Variants in ARHGEF10L observed in about 807,000 individuals in gnomAD.
The protein encoded by ARHGEF10L is Rho guanine nucleotide exchange factor 10 like.
ARHGEF10L carries 69 observed loss-of-function variants against 141.2 expected under a neutral mutation model. The observed-to-expected ratio is 0.49, with a 90% CI of 0.40 to 0.60. The LOEUF (loss-of-function observed/expected upper bound fraction) is 0.60. Ranked by LOEUF, ARHGEF10L falls within the 20% of genes least tolerant of loss-of-function variation. The probability of loss-of-function intolerance (pLI) is 0.00; values close to 1 mark genes in which losing one functional copy is unlikely to be tolerated. For synonymous variants in ARHGEF10L, 711 were observed against 718.5 expected (o/e 0.99, Z 0.17); for missense variants, 1,482 against 1,734.3 (o/e 0.85, Z 2.58).
At chr1:17,595,522 T>G (rs895727233) in intron 4 of ARHGEF10L, among the ~76,000 whole-genome samples, 3 of 152,182 alleles carry the variant, frequency 2.0e-5, no homozygotes, top group African/African-American at 7.2e-5. Context: ...TGTGATATGA[T>G]GCCACCTGAG....
chr1:17,609,900 T>TC (rs932747145), intron 7 of ARHGEF10L, among the ~76,000 whole-genome samples: 74 of 152,004 alleles, frequency 4.9e-4, no homozygotes, highest in African/African-American at 1.7e-3. Context: ...AAGCCCCCAC[T>TC]CCCCCCAGTA....
At chr1:17,668,492 A>G (rs375843745) in intron 26 of ARHGEF10L, among the ~76,000 whole-genome samples, 17 of 152,226 alleles carry the variant, frequency 1.1e-4, no homozygotes, top group East Asian at 1.9e-4. Context: ...TGGGGCCCCA[A>G]TGGCCACCAG....
chr1:17,682,104 G>A (rs184300101), intron 26 of ARHGEF10L, among the ~76,000 whole-genome samples: 1 of 152,148 alleles, frequency 6.6e-6, no homozygotes, highest in Non-Finnish European at 1.5e-5. Flanking sequence ...GGGTCCTTTG[G>A]ACACATCCCC....
intron 8 of ARHGEF10L, among the ~76,000 whole-genome samples, chr1:17,613,426 C>T (rs2059648736): frequency 6.6e-6 from 1 of 152,192 alleles, no homozygotes; most frequent in Non-Finnish European, 1.5e-5. Flanking sequence ...CCCTGATAGT[C>T]CACAAGAATT....
At chr1:17,517,388 G>A in the ARHGEF10L span, among the ~76,000 whole-genome samples, 3 of 152,272 alleles carry the variant, frequency 2.0e-5, no homozygotes, top group African/African-American at 7.2e-5. Flanking sequence ...GGAGTGCGCA[G>A]TGGTGCAATC....
intron 26 of ARHGEF10L, among the ~76,000 whole-genome samples, chr1:17,683,977 G>T (rs2064356001): frequency 6.6e-6 from 1 of 152,338 alleles, no homozygotes; most frequent in South Asian, 2.1e-4. Flanking sequence ...GGCTGCACGC[G>T]TGTGAGCATG....
At chr1:17,538,238 C>T (rs540125132), upstream of ARHGEF10L, among the ~76,000 whole-genome samples, 149 of 152,310 alleles carry the variant, frequency 9.8e-4, no homozygotes, top group African/African-American at 3.5e-3. Flanking sequence ...ACTCAATGGA[C>T]ATCTGAAGTC....
chr1:17,562,600 G>A (rs2077585370), intron 1 of ARHGEF10L, among the ~76,000 whole-genome samples: 1 of 152,242 alleles, frequency 6.6e-6, no homozygotes, highest in Non-Finnish European at 1.5e-5. Flanking sequence ...TGAGATTTCA[G>A]GTGAATCATT....
chr1:17,654,734 C>G lies in ARHGEF10L; in HGVS notation c.2481+12C>G, dbSNP rs1395262059. 1.2e-6 allele frequency: 2 copies of G among 1,612,322 alleles called. No individual in the cohort carries two copies. Among genetic ancestry groups the G allele is most frequent in the Non-Finnish European group, 1.7e-6 (2 of 1,178,786 alleles). On this transcript the variant is annotated intron_variant, in intron 23 of 28. Coordinates refer to ENST00000361221, the MANE Select transcript of ARHGEF10L (RefSeq NM_018125.4). This position sits in a 1 kb window ranked among gnomAD's most constrained non-coding sequence, Gnocchi z 4.3. ...AGGGCTACCTCTGGGTGAGTCACCC[C>G]CCTGCCCAGCTGGGCATTCTGGCCT...
At chr1:17,646,280 AG>A in intron 21 of ARHGEF10L, among the ~76,000 whole-genome samples, 1 of 152,298 alleles carries the variant, frequency 6.6e-6, no homozygotes. Flanking sequence ...GGCTGCTCTC[AG>A]GGTGGTCCTT....
At chr1:17,567,161 C>T (rs370480483) in intron 1 of ARHGEF10L, among the ~76,000 whole-genome samples, 2 of 152,220 alleles carry the variant, frequency 1.3e-5, no homozygotes, top group African/African-American at 4.8e-5. Flanking sequence ...GGTGGCCATC[C>T]GTGCATCCGC....
At chr1:17,586,988 G>A (rs557394141) in intron 2 of ARHGEF10L, among the ~76,000 whole-genome samples, 3 of 152,134 alleles carry the variant, frequency 2.0e-5, no homozygotes, top group Non-Finnish European at 2.9e-5. Flanking sequence ...GGCATTCCCA[G>A]GCAGCTGTGT....
rs536952376 is a variant in ARHGEF10L, at chr1:17,630,158, C to T, written c.1585-2163C>T. Among the ~76,000 whole-genome samples, 8 of 152,326 alleles carry T rather than the reference C, an allele frequency of 5.3e-5. No homozygotes were observed. In the East Asian group the frequency reaches 1.4e-3, roughly 26 times the overall value. On this transcript the variant is annotated intron_variant, in intron 15 of 28. Coordinates refer to ENST00000361221, the MANE Select transcript of ARHGEF10L (RefSeq NM_018125.4). The stretch of plus-strand genomic sequence containing the variant: ...TGGACAGTCCTGGCCAGTTCTGTGA[C>T]CTGTTTAGTGATGTCCCTATCACCA...
rs2078105653 is a variant in ARHGEF10L, at chr1:17,573,771, C to T, written c.-43-6782C>T. On this transcript the variant is annotated intron_variant, in intron 1 of 28. Transcript: ENST00000361221. This position sits in a 1 kb window ranked among gnomAD's most constrained non-coding sequence, Gnocchi z 4.8. ...AGAGACCTACTCCCAGGGCCCCCTC[C>T]CCAGTGCTCCCCACTCTTCCTGCCT... Among the ~76,000 whole-genome samples the T allele has an allele frequency of 6.6e-6, 1 of 151,898 alleles. No homozygotes were observed. Among genetic ancestry groups the T allele is most frequent in the South Asian group, 2.1e-4 (1 of 4,812 alleles).
chr1:17,535,640 G>A (rs1047485298), upstream of ARHGEF10L, among the ~76,000 whole-genome samples: 1 of 152,280 alleles, frequency 6.6e-6, no homozygotes, highest in African/African-American at 2.4e-5. Context: ...ACAGACTCCT[G>A]AGTCCCATCC....
chr1:17,645,674 C>T (rs890641312), intron 21 of ARHGEF10L, among the ~76,000 whole-genome samples: 3 of 152,190 alleles, frequency 2.0e-5, no homozygotes, highest in Non-Finnish European at 2.9e-5. Context: ...GCATGGCGAG[C>T]GCTGGCACAC....
At chr1:17,530,930 G>A in the ARHGEF10L span, among the ~76,000 whole-genome samples, 1 of 151,908 alleles carries the variant, frequency 6.6e-6, no homozygotes, top group African/African-American at 2.4e-5. Flanking sequence ...GCTTGAACAC[G>A]GGAGGCAGAG....
At chr1:17,646,892 G>C (rs1172937096) in intron 21 of ARHGEF10L, among the ~76,000 whole-genome samples, 1 of 152,054 alleles carries the variant, frequency 6.6e-6, no homozygotes, top group Non-Finnish European at 1.5e-5. Flanking sequence ...GCTCTTCCAG[G>C]AGAGTTTGGA....
Position 17,654,278 on chromosome 1 carries a change from G to C in ARHGEF10L, c.2395-358G>C, listed in dbSNP as rs1395530412. On this transcript the variant is annotated intron_variant, in intron 22 of 28. Coordinates refer to ENST00000361221, the MANE Select transcript of ARHGEF10L (RefSeq NM_018125.4). The surrounding 1 kb of genome is among the most constrained non-coding windows in gnomAD (Gnocchi z 4.3). Reference sequence around the variant, plus strand: ...CCCAGCCCTGCCACTCACCTCCTCTGTGGTCTAGGGTAGTCACCTGCCCTC... The same window carrying C: ...CCCAGCCCTGCCACTCACCTCCTCTCTGGTCTAGGGTAGTCACCTGCCCTC... 6.6e-6 allele frequency among the ~76,000 whole-genome samples: 1 copy of C among 152,206 alleles called. No individual in the cohort carries two copies. The highest frequency in any genetic ancestry group is 1.5e-5 in the Non-Finnish European group (1 of 68,038).
Sources: gnomAD v4.1 joint callset for allele counts (sites outside exome capture counted in the v4.1 genomes callset) on GRCh38, gnomAD v4.1.1 for gene constraint, Gnocchi (gnomAD v3.1) non-coding constraint, MANE v1.5 for transcripts, NCBI Gene and HGNC (gene_info 2026-07-23, HGNC 2026-07-21) for gene names.